Variants in TMEM123 observed in about 807,000 individuals in gnomAD.
TMEM123 encodes porimin.
A neutral mutation model predicts 19.7 loss-of-function variants in TMEM123; 16 were observed. The ratio of observed to expected loss-of-function variants is 0.81; its 90% CI spans 0.55 to 1.23. The LOEUF is 1.23. TMEM123 is among the 50% of genes most tolerant of loss of function. TMEM123 has a pLI of 0.00. For missense variants in TMEM123, 313 were observed against 257.8 expected, an observed-to-expected ratio of 1.21 and a Z score of -1.47; for synonymous variants, 118 against 99.4, an observed-to-expected ratio of 1.19 and a Z score of -1.12.
rs1439969549 is a variant in TMEM123, at chr11:102,398,606, A to C, written c.*261T>G. 38 of 497,382 alleles carry C rather than the reference A, an allele frequency of 7.6e-5. No homozygotes were observed. The East Asian group carries it at 1.3e-3, about 17-fold the overall frequency. 30.8% of individuals were successfully genotyped at this position (497,382 alleles called of 1,614,324 possible). A position where few individuals can be genotyped will look rare whatever the true frequency, so the allele number is the denominator to read the frequency against. On this transcript the variant is annotated 3_prime_UTR_variant, in exon 5 of 5. Transcript: ENST00000398136. ...TGCCCCCACCCCAGCCAAAAAAAAA[A>C]AGATAGGACTTGTTTGTCTTACTAT...
At chr11:102,448,120 A>C in intron 2 of TMEM123, 2 of 411,070 alleles carry the variant, frequency 4.9e-6, no homozygotes, top group Non-Finnish European at 4.8e-6. Flanking sequence ...GACTAAAAGT[A>C]AACAAAACAA....
At chr11:102,452,498 G>GTAA (rs1857953193) in intron 1 of TMEM123, 26 bp downstream of exon 1, 2 of 1,491,544 alleles carry the variant, frequency 1.3e-6, no homozygotes, top group Non-Finnish European at 1.8e-6. Context: ...CCACGAACGG[G>GTAA]GCTGACGACC....
At chr11:102,430,721 T>G (rs1218935762) in intron 2 of TMEM123, among the ~76,000 whole-genome samples, 1 of 152,216 alleles carries the variant, frequency 6.6e-6, no homozygotes, top group Admixed American at 6.5e-5. Context: ...GCTTTACATG[T>G]TACCTCATTT....
chr11:102,427,564 T>G (rs1952140127), intron 2 of TMEM123, among the ~76,000 whole-genome samples: 2 of 139,804 alleles, frequency 1.4e-5, no homozygotes, highest in Non-Finnish European at 3.0e-5. Flanking sequence ...AATGGCTGGG[T>G]GCGGTGGCTG....
chr11:102,447,029 CAT>C (rs767271647), intron 2 of TMEM123, among the ~76,000 whole-genome samples: 1 of 152,146 alleles, frequency 6.6e-6, no homozygotes, highest in African/African-American at 2.4e-5. Context: ...ACAAACTTAA[CAT>C]GTTTCAAAAG....
chr11:102,436,193 C>T (rs7944904), intron 2 of TMEM123, among the ~76,000 whole-genome samples: 3,426 of 151,972 alleles, frequency 0.023, 151 homozygotes, highest in African/African-American at 0.078. Flanking sequence ...GATGGAGTTT[C>T]CCACTATTGC....
chr11:102,429,159 CT>C (rs2135856651), intron 2 of TMEM123, among the ~76,000 whole-genome samples: 1 of 152,084 alleles, frequency 6.6e-6, no homozygotes, highest in Non-Finnish European at 1.5e-5. Context: ...CCTGAAATCC[CT>C]AGCCACACTA....
At chr11:102,428,951 C>T (rs1952151960) in intron 2 of TMEM123, among the ~76,000 whole-genome samples, 1 of 152,238 alleles carries the variant, frequency 6.6e-6, no homozygotes, top group Admixed American at 6.5e-5. Context: ...AGCTCCTGTT[C>T]CACTCTTCCT....
intron 2 of TMEM123, among the ~76,000 whole-genome samples, chr11:102,415,786 C>T (rs1424465378): frequency 2.0e-5 from 3 of 152,028 alleles, no homozygotes; most frequent in Non-Finnish European, 4.4e-5. Flanking sequence ...AAAAGTAAAC[C>T]AACCCCAGTC....
chr11:102,450,399 C>T lies in TMEM123; in HGVS notation c.101-1531G>A, dbSNP rs1201381674. Among the ~76,000 whole-genome samples, 3 of 152,174 alleles carry T rather than the reference C, an allele frequency of 2.0e-5. No homozygotes were observed. In the East Asian group the frequency reaches 5.8e-4, roughly 29 times the overall value. On this transcript the variant is annotated intron_variant, in intron 1 of 4. Transcript: ENST00000398136. ...AGTAATGACTAACAGCCGCCCCTCC[C>T]ATCCTGTTAATGTTAATGTCATTCA...
intron 1 of TMEM123, 112 bp from the exon 2 acceptor site, chr11:102,448,980 T>A (rs779370571): frequency 6.8e-6 from 7 of 1,032,830 alleles, no homozygotes; most frequent in Non-Finnish European, 1.0e-5. Context: ...GAGGGTAGAT[T>A]ATTCCACAGG....
chr11:102,446,497 T>C (rs1857884580), intron 2 of TMEM123, among the ~76,000 whole-genome samples: 3 of 152,220 alleles, frequency 2.0e-5, no homozygotes, highest in Admixed American at 2.0e-4. Context: ...ATGTATAGGA[T>C]TGGAGCATAA....
chr11:102,441,829 G>A (rs554876691), intron 2 of TMEM123, among the ~76,000 whole-genome samples: 4 of 151,970 alleles, frequency 2.6e-5, no homozygotes, highest in Non-Finnish European at 4.4e-5. Flanking sequence ...AGAAAAGAGA[G>A]AAGAATCAAA....
intron 2 of TMEM123, among the ~76,000 whole-genome samples, chr11:102,436,025 A>G (rs924890666): frequency 3.3e-5 from 5 of 151,962 alleles, no homozygotes; most frequent in South Asian, 2.1e-4. Context: ...GTGTGATTAT[A>G]TAAATTTAAT....
intron 1 of TMEM123, among the ~76,000 whole-genome samples, chr11:102,449,732 T>C (rs1857919835): frequency 1.3e-5 from 2 of 152,226 alleles, no homozygotes; most frequent in Non-Finnish European, 2.9e-5. Flanking sequence ...ACTACGTAGA[T>C]GTATTTAGCA....
intron 2 of TMEM123, among the ~76,000 whole-genome samples, chr11:102,437,406 T>G (rs1432332815): frequency 6.7e-6 from 1 of 150,170 alleles, no homozygotes; most frequent in African/African-American, 2.5e-5. Context: ...TTCAGTGAGT[T>G]GAGATCGAGC....
intron 2 of TMEM123, among the ~76,000 whole-genome samples, chr11:102,412,227 T>TC (rs1472806480): frequency 1.6e-4 from 24 of 152,086 alleles, no homozygotes; most frequent in African/African-American, 5.3e-4. Context: ...GGTCAAGAGT[T>TC]CAAGACCAGC....
At chr11:102,410,451 A>C (rs907682924) in intron 2 of TMEM123, among the ~76,000 whole-genome samples, 1 of 151,202 alleles carries the variant, frequency 6.6e-6, no homozygotes, top group African/African-American at 2.4e-5. Context: ...CTTTTCCCAT[A>C]GGTCTTGCCC....
At chr11:102,429,071 T>C (rs1278221856) in intron 2 of TMEM123, among the ~76,000 whole-genome samples, 1 of 152,178 alleles carries the variant, frequency 6.6e-6, no homozygotes, top group Non-Finnish European at 1.5e-5. Context: ...GAAATGTGAG[T>C]AGAATACACC....
Sources: allele counts gnomAD v4.1 joint callset (sites outside exome capture counted in the v4.1 genomes callset), GRCh38; gene constraint gnomAD v4.1.1; transcripts MANE v1.5; gene names NCBI Gene and HGNC (gene_info 2026-07-23, HGNC 2026-07-21).